The following SPMIP2 variants were observed in gnomAD, a reference collection of about 807,000 sequenced individuals.
The protein encoded by SPMIP2 is protein SPMIP2.
chr4:159,080,454 A>T, the SPMIP2 span, among the ~76,000 whole-genome samples: 1 of 152,098 alleles, frequency 6.6e-6, no homozygotes, highest in Non-Finnish European at 1.5e-5. Context: ...TCCTGAGCTC[A>T]AGCAGTCCTC....
At chr4:158,994,177 T>A in the SPMIP2 span, among the ~76,000 whole-genome samples, 1 of 152,250 alleles carries the variant, frequency 6.6e-6, no homozygotes, top group Non-Finnish European at 1.5e-5. Context: ...ATCTTATTTA[T>A]CTCTGTTAAT....
At chr4:158,986,404 C>T in the SPMIP2 span, among the ~76,000 whole-genome samples, 1 of 152,150 alleles carries the variant, frequency 6.6e-6, no homozygotes, top group African/African-American at 2.4e-5. Context: ...GCTACAGTAA[C>T]CAAAACACCA....
the SPMIP2 span, among the ~76,000 whole-genome samples, chr4:158,901,135 T>TG: frequency 6.8e-6 from 1 of 146,968 alleles, no homozygotes; most frequent in Non-Finnish European, 1.5e-5. Flanking sequence ...GAAATTTTTT[T>TG]TTTTTTTTTT....
At chr4:158,901,014 G>A in the SPMIP2 span, among the ~76,000 whole-genome samples, 24 of 151,858 alleles carry the variant, frequency 1.6e-4, no homozygotes, top group African/African-American at 4.8e-4. Context: ...AGGAGCTCTT[G>A]TAAGGCAGGC....
chr4:159,029,437 T>C, the SPMIP2 span, among the ~76,000 whole-genome samples: 13 of 152,166 alleles, frequency 8.5e-5, no homozygotes, highest in Non-Finnish European at 1.8e-4. Context: ...CTTAATAGAG[T>C]ATGTTATATA....
the SPMIP2 span, among the ~76,000 whole-genome samples, chr4:158,947,311 T>C: frequency 1.3e-5 from 2 of 152,188 alleles, no homozygotes; most frequent in Non-Finnish European, 2.9e-5. Flanking sequence ...TGGTTTAAAA[T>C]AGTGGCTGAC....
At chr4:159,080,472 G>A in the SPMIP2 span, among the ~76,000 whole-genome samples, 2 of 151,912 alleles carry the variant, frequency 1.3e-5, no homozygotes, top group Admixed American at 6.6e-5. Context: ...CTCCTGCCTC[G>A]GGTCTCAAAG....
At chr4:159,077,190 G>C in the SPMIP2 span, among the ~76,000 whole-genome samples, 1 of 151,524 alleles carries the variant, frequency 6.6e-6, no homozygotes, top group Non-Finnish European at 1.5e-5. Context: ...GCGCAGGCTG[G>C]AGTACAATGG....
the SPMIP2 span, among the ~76,000 whole-genome samples, chr4:158,954,251 G>A: frequency 6.6e-6 from 1 of 152,108 alleles, no homozygotes; most frequent in African/African-American, 2.4e-5. Context: ...CCCCTATACT[G>A]TTCTCGTGGT....
At chr4:159,011,686 G>A in the SPMIP2 span, among the ~76,000 whole-genome samples, 1 of 151,106 alleles carries the variant, frequency 6.6e-6, no homozygotes, top group African/African-American at 2.4e-5. Flanking sequence ...CCTGGGAGGC[G>A]GAGGTTGTGT....
At chr4:158,981,565 G>A in the SPMIP2 span, among the ~76,000 whole-genome samples, 1 of 152,126 alleles carries the variant, frequency 6.6e-6, no homozygotes, top group Non-Finnish European at 1.5e-5. Flanking sequence ...CATTCTTAAA[G>A]AAAAGAATTT....
chr4:159,016,299 C>CT, the SPMIP2 span, among the ~76,000 whole-genome samples: 4 of 152,144 alleles, frequency 2.6e-5, no homozygotes, highest in African/African-American at 9.7e-5. Context: ...TTTCCACGCA[C>CT]TTCAAAAGCT....
the SPMIP2 span, among the ~76,000 whole-genome samples, chr4:159,033,404 G>C: frequency 1.3e-5 from 2 of 152,028 alleles, no homozygotes; most frequent in Non-Finnish European, 2.9e-5. Context: ...AATTTGTCAA[G>C]ACCCCCATAT....
the SPMIP2 span, among the ~76,000 whole-genome samples, chr4:159,036,764 C>G: frequency 1.2e-4 from 18 of 152,318 alleles, no homozygotes; most frequent in African/African-American, 4.3e-4. Context: ...GTGTCATTTT[C>G]TTTGGTTCTG....
chr4:158,949,957 A>T, the SPMIP2 span, among the ~76,000 whole-genome samples: 1 of 151,928 alleles, frequency 6.6e-6, no homozygotes, highest in Non-Finnish European at 1.5e-5. Flanking sequence ...GTTGTAGTTA[A>T]TTCTGGTCCT....
the SPMIP2 span, among the ~76,000 whole-genome samples, chr4:158,981,989 G>A: frequency 1.3e-5 from 2 of 152,158 alleles, no homozygotes; most frequent in Non-Finnish European, 2.9e-5. Context: ...CCCACCACAT[G>A]TGCAAAGACA....
At chr4:159,075,314 T>C in the SPMIP2 span, among the ~76,000 whole-genome samples, 2 of 152,232 alleles carry the variant, frequency 1.3e-5, no homozygotes, top group South Asian at 2.1e-4. Context: ...TTTAGTCATA[T>C]ACATAAATAT....
chr4:159,047,314 T>C, the SPMIP2 span, among the ~76,000 whole-genome samples: 2 of 152,204 alleles, frequency 1.3e-5, no homozygotes, highest in Non-Finnish European at 2.9e-5. Context: ...ACCCCATACA[T>C]ATATACATTT....
the SPMIP2 span, among the ~76,000 whole-genome samples, chr4:158,922,885 T>C: frequency 6.6e-6 from 1 of 152,226 alleles, no homozygotes; most frequent in African/African-American, 2.4e-5. Context: ...TCAAGAATTG[T>C]CCATGTTGTA....
Sources: gnomAD v4.1 joint callset for allele counts (sites outside exome capture counted in the v4.1 genomes callset) on GRCh38, gnomAD v4.1.1 for gene constraint, MANE v1.5 for transcripts, NCBI Gene and HGNC (gene_info 2026-07-23, HGNC 2026-07-21) for gene names.